The following SCUBE2 variants were observed in gnomAD, a reference collection of about 807,000 sequenced individuals.
SCUBE2 encodes the protein signal peptide, CUB domain and EGF like domain containing 2.
A neutral mutation model predicts 125.9 loss-of-function variants in SCUBE2; 114 were observed. The ratio of observed to expected loss-of-function variants is 0.91; its 90% CI spans 0.78 to 1.06. The LOEUF (loss-of-function observed/expected upper bound fraction) is 1.06, where lower values mean the gene tolerates loss of function less well. Among genes scored for constraint, SCUBE2 ranks in the 50% least tolerant of loss-of-function variants. The probability of loss-of-function intolerance (pLI) is 0.00; values close to 1 mark genes in which losing one functional copy is unlikely to be tolerated. For missense variants in SCUBE2, 1,255 were observed against 1,301.8 expected (o/e 0.96, Z 0.55); for synonymous variants, 459 against 492.9 (o/e 0.93, Z 0.91).
At chr11:9,055,449 A>G (rs1451553681) in intron 10 of SCUBE2, among the ~76,000 whole-genome samples, 1 of 152,156 alleles carries the variant, frequency 6.6e-6, no homozygotes, top group East Asian at 1.9e-4. Context: ...CTGTGACTTT[A>G]CTATCTGCTG....
At chr11:9,034,104 A>G (rs1217895773) in intron 16 of SCUBE2, among the ~76,000 whole-genome samples, 1 of 152,198 alleles carries the variant, frequency 6.6e-6, no homozygotes, top group Non-Finnish European at 1.5e-5. Context: ...AGAGATTTTT[A>G]AAAATCCTGG....
chr11:9,023,081 C>G (rs1855445526), intron 21 of SCUBE2, among the ~76,000 whole-genome samples: 1 of 152,198 alleles, frequency 6.6e-6, no homozygotes, highest in Non-Finnish European at 1.5e-5. Context: ...TGCCAATCTT[C>G]CCCCTTTGAA....
intron 14 of SCUBE2, among the ~76,000 whole-genome samples, chr11:9,049,433 A>T (rs976035085): frequency 2.0e-5 from 3 of 151,856 alleles, no homozygotes; most frequent in Non-Finnish European, 4.4e-5. Flanking sequence ...TTTTGTAGAG[A>T]TGGGGTTTTG....
chr11:9,030,090 A>G (rs1026449890), intron 18 of SCUBE2, 45 bp from the exon 19 acceptor site: 1 of 1,581,784 alleles, frequency 6.3e-7, no homozygotes, highest in African/African-American at 1.4e-5. Flanking sequence ...AAGAAAGATT[A>G]TTTTTAATCA....
At chr11:9,068,061 C>T (rs1022496661) in intron 5 of SCUBE2, among the ~76,000 whole-genome samples, 1 of 152,176 alleles carries the variant, frequency 6.6e-6, no homozygotes, top group African/African-American at 2.4e-5. Context: ...GAACCTGTTG[C>T]TTGAGTGTGA....
In SCUBE2 at chr11:9,091,499, C is replaced by T; in HGVS notation, c.30G>A (p.Gly10=). The T allele has an allele frequency of 9.2e-7, 1 of 1,092,468 alleles. No individual in the cohort carries two copies. Among genetic ancestry groups the T allele is most frequent in the Non-Finnish European group, 1.2e-6 (1 of 851,512 alleles). The allele number at this position is 1,092,468 out of a possible 1,614,324, so 67.7% of individuals were successfully genotyped here. ...GCAGCAGCAGCACCGCCCAGGCCGC[C>T]CCGGGACGGTTGCGGCCCGCGACCC... is the stretch of plus-strand genomic sequence containing the variant. MGVAGRNRP[G]AAWAVLLLLL... is the part of the protein sequence containing the mutation. The change falls in exon 1 of 23, where the codon GGG becomes GGA. Residue 10 remains glycine, a synonymous_variant. Transcript: ENST00000649792. The surrounding 1 kb of genome is among the most constrained non-coding windows in gnomAD (Gnocchi z 8.5).
intron 4 of SCUBE2, among the ~76,000 whole-genome samples, chr11:9,070,034 G>C (rs560039255): frequency 3.3e-5 from 5 of 152,240 alleles, no homozygotes; most frequent in African/African-American, 1.2e-4. Flanking sequence ...ACATGCCCCG[G>C]GATCTGTCTT....
chr11:9,069,274 G>A lies in SCUBE2; in HGVS notation c.643+96C>T. 9 of 1,518,584 alleles carry A rather than the reference G, an allele frequency of 5.9e-6. No individual in the cohort carries two copies. In the South Asian group the frequency reaches 1.1e-4, roughly 18 times the overall value. The allele number at this position is 1,518,584 out of a possible 1,614,324, so 94.1% of individuals were successfully genotyped here. A position where few individuals can be genotyped will look rare whatever the true frequency, so the allele number is the denominator to read the frequency against. On this transcript the variant is annotated intron_variant, in intron 5 of 22. Coordinates refer to ENST00000649792, the MANE Select transcript of SCUBE2 (RefSeq NM_001367977.2). The stretch of plus-strand genomic sequence containing the variant: ...GCTAACTGCCTTCCCTGCTGCTGCA[G>A]CCGTGCCATGAGGTGGTGCTTCTGA...
At chr11:9,048,207 G>GA in intron 14 of SCUBE2, 109 bp from the exon 15 acceptor site, 5 of 1,089,876 alleles carry the variant, frequency 4.6e-6, no homozygotes, top group Non-Finnish European at 6.6e-6. Flanking sequence ...AAGGGACTAA[G>GA]TGATTATCTC....
intron 19 of SCUBE2, 43 bp downstream of exon 19, chr11:9,029,841 T>C (rs775527252): frequency 6.2e-7 from 1 of 1,611,536 alleles, no homozygotes; most frequent in Non-Finnish European, 8.5e-7. Context: ...CAGACACCTA[T>C]CTTCTTAGCC....
intron 5 of SCUBE2, 59 bp downstream of exon 5, chr11:9,069,311 G>A: frequency 1.2e-6 from 2 of 1,602,190 alleles, no homozygotes; most frequent in Non-Finnish European, 1.7e-6. Context: ...CTGGGCCACA[G>A]AAGGCAGCCT....
chr11:9,083,889 CTAAT>C (rs146669629), intron 2 of SCUBE2, among the ~76,000 whole-genome samples: 2,510 of 152,116 alleles, frequency 0.017, 55 homozygotes, highest in African/African-American at 0.057. Flanking sequence ...TCAGTGTTAA[CTAAT>C]TGTTTTTAAT....
intron 14 of SCUBE2, among the ~76,000 whole-genome samples, chr11:9,048,812 C>G (rs1858052680): frequency 6.6e-6 from 1 of 152,186 alleles, no homozygotes; most frequent in Admixed American, 6.5e-5. Context: ...ATCATCCACT[C>G]CATGAATTTG....
At chr11:9,055,516 C>T (rs1858990972) in intron 10 of SCUBE2, among the ~76,000 whole-genome samples, 1 of 152,204 alleles carries the variant, frequency 6.6e-6, no homozygotes, top group South Asian at 2.1e-4. Flanking sequence ...TCTCTGAATA[C>T]AGCCGCAAGT....
rs1231668026 is a variant in SCUBE2 at position 9,025,722 on chromosome 11, A to T, written c.2834T>A (p.Val945Asp). The T allele has an allele frequency of 1.4e-5, 22 of 1,614,086 alleles. No individual in the cohort carries two copies. The highest frequency in any genetic ancestry group is 1.8e-5 in the Non-Finnish European group (21 of 1,180,008). Residue 945 changes from valine (V) to aspartate (D), a missense_variant, in exon 21 of 23, where the codon GTC becomes GAC. Val to Asp is a radical substitution (Grantham distance 152, BLOSUM62 -3). This residue lies in a region of SCUBE2 where 515 missense variants were observed against 515.7 expected (regional missense o/e 1.00). Coordinates refer to ENST00000649792, the MANE Select transcript of SCUBE2 (RefSeq NM_001367977.2). ...CTTACCATCATATGTCACGTATGGG[A>T]CCTGGAACCCTCTAGCGCTGTTCCC... is the stretch of plus-strand genomic sequence containing the variant. ...NEGNSARGFQ[V>D]PYVTYDEDYQ... is the part of the protein sequence containing the mutation.
chr11:9,036,811 T>C (rs1856788125), intron 16 of SCUBE2, among the ~76,000 whole-genome samples: 1 of 152,214 alleles, frequency 6.6e-6, no homozygotes, highest in Admixed American at 6.5e-5. Context: ...CTTTGCAAGG[T>C]GACCTTTAGA....
intron 16 of SCUBE2, among the ~76,000 whole-genome samples, chr11:9,044,412 T>C (rs1185105183): frequency 1.3e-5 from 2 of 152,026 alleles, no homozygotes; most frequent in East Asian, 3.9e-4. Flanking sequence ...CCAACCAACA[T>C]AGTGAGACAG....
intron 7 of SCUBE2, among the ~76,000 whole-genome samples, chr11:9,062,357 C>T (rs532971507): frequency 1.3e-5 from 2 of 152,308 alleles, no homozygotes; most frequent in South Asian, 2.1e-4. Flanking sequence ...ATTGACCTGC[C>T]CAAGCAAAAA....
chr11:9,049,227 G>A (rs1423395552), intron 14 of SCUBE2, among the ~76,000 whole-genome samples: 1 of 152,128 alleles, frequency 6.6e-6, no homozygotes, highest in Non-Finnish European at 1.5e-5. Context: ...TATAGGCCAA[G>A]TCTATTTTTA....
Sources: gnomAD v4.1 joint callset for allele counts (sites outside exome capture counted in the v4.1 genomes callset) on GRCh38, gnomAD v4.1.1 for gene constraint, gnomAD v4.1.1 regional missense constraint, Gnocchi (gnomAD v3.1) non-coding constraint, MANE v1.5 for transcripts, NCBI Gene and HGNC (gene_info 2026-07-23, HGNC 2026-07-21) for gene names.